STAU2: variants seen among roughly 807,000 people sequenced by gnomAD.
STAU2 encodes staufen double-stranded RNA binding protein 2, also known as double-stranded RNA-binding protein Staufen homolog 2.
STAU2 carries 20 observed loss-of-function variants against 65.9 expected under a neutral mutation model. The observed-to-expected ratio is 0.30, with a 90% CI of 0.21 to 0.44. The LOEUF is 0.44. STAU2 is among the 20% of genes least tolerant of loss of function. STAU2 has a pLI of 1.00. For missense variants in STAU2, 558 were observed against 683.9 expected (o/e 0.82, Z 2.05); for synonymous variants, 232 against 233.9 (o/e 0.99, Z 0.07).
At chr8:73,579,477 A>G (rs1307034434) in intron 12 of STAU2, among the ~76,000 whole-genome samples, 3 of 152,230 alleles carry the variant, frequency 2.0e-5, no homozygotes, top group Non-Finnish European at 4.4e-5. Context: ...TGGAATGTGA[A>G]TACAAAAAGA....
intron 11 of STAU2, among the ~76,000 whole-genome samples, chr8:73,585,943 T>A (rs1169643005): frequency 6.6e-6 from 1 of 152,230 alleles, no homozygotes; most frequent in African/African-American, 2.4e-5. Context: ...TTTTACTCGG[T>A]ATTCATTTCT....
chr8:73,637,802 ATTTC>A (rs1814658695), intron 6 of STAU2, among the ~76,000 whole-genome samples: 1 of 151,998 alleles, frequency 6.6e-6, no homozygotes, highest in Non-Finnish European at 1.5e-5. Context: ...TTTTCTCTTA[ATTTC>A]TTTAAGATAT....
chr8:73,491,405 T>G (rs1051136939), intron 13 of STAU2, among the ~76,000 whole-genome samples: 3 of 152,010 alleles, frequency 2.0e-5, no homozygotes, highest in South Asian at 2.1e-4. Context: ...TGTCAATAGT[T>G]GCCTATTTTC....
intron 13 of STAU2, 62 bp from the exon 14 acceptor site, chr8:73,422,764 G>T: frequency 8.6e-7 from 1 of 1,163,724 alleles, no homozygotes; most frequent in Non-Finnish European, 1.1e-6. Context: ...ACAAGTAACT[G>T]AAAGAAAGCT....
At chr8:73,516,659 C>T (rs150789560) in intron 13 of STAU2, among the ~76,000 whole-genome samples, 12 of 152,238 alleles carry the variant, frequency 7.9e-5, no homozygotes, top group Non-Finnish European at 1.5e-4. Flanking sequence ...AGAGGCATGA[C>T]TTAATTGAAG....
chr8:73,608,622 A>AG (rs1274875675), intron 9 of STAU2, among the ~76,000 whole-genome samples: 8 of 149,594 alleles, frequency 5.3e-5, no homozygotes, highest in African/African-American at 2.0e-4. Context: ...TAAAAAAAAA[A>AG]AAAGAAAAAG....
At chr8:73,490,282 C>G (rs1444472869) in intron 13 of STAU2, among the ~76,000 whole-genome samples, 1 of 151,984 alleles carries the variant, frequency 6.6e-6, no homozygotes, top group African/African-American at 2.4e-5. Context: ...ATGGACACCG[C>G]GCAACCCTCT....
intron 6 of STAU2, among the ~76,000 whole-genome samples, chr8:73,640,727 C>T (rs1290568314): frequency 6.6e-6 from 1 of 152,120 alleles, no homozygotes; most frequent in Non-Finnish European, 1.5e-5. Context: ...AAGCTGTGGG[C>T]TCTAGACTGC....
intron 4 of STAU2, among the ~76,000 whole-genome samples, chr8:73,697,605 A>G (rs563406638): frequency 6.6e-6 from 1 of 152,350 alleles, no homozygotes; most frequent in African/African-American, 2.4e-5. Flanking sequence ...ACCAATCAAA[A>G]ATAATAGCTA....
intron 6 of STAU2, chr8:73,669,004 A>G: frequency 2.9e-6 from 2 of 699,036 alleles, no homozygotes; most frequent in Non-Finnish European, 5.2e-6. Context: ...TTCACCTTTC[A>G]TTCCCTGCCT....
Position 73,460,423 on chromosome 8 carries a change from C to T in STAU2, c.1531-37721G>A, listed in dbSNP as rs533539428. Reference sequence around the variant, plus strand: ...ATGTATGGTGAATTACTACAGGGGACGAGAGAGGTTTTGAACAAGTTTAAA... The same window carrying T: ...ATGTATGGTGAATTACTACAGGGGATGAGAGAGGTTTTGAACAAGTTTAAA... On this transcript the variant is annotated intron_variant, in intron 13 of 14. Transcript: ENST00000524300. 2.2e-3 allele frequency among the ~76,000 whole-genome samples: 342 copies of T among 152,230 alleles called. 3 individuals are homozygous for T. The highest frequency in any genetic ancestry group is 7.7e-3 in the African/African-American group (320 of 41,530).
chr8:73,662,420 G>A (rs1816896789), intron 6 of STAU2, among the ~76,000 whole-genome samples: 1 of 152,054 alleles, frequency 6.6e-6, no homozygotes. Flanking sequence ...AAATTTTGAT[G>A]ACATGTAATT....
intron 12 of STAU2, among the ~76,000 whole-genome samples, chr8:73,570,756 C>G (rs1371514909): frequency 6.6e-6 from 1 of 152,174 alleles, no homozygotes; most frequent in Non-Finnish European, 1.5e-5. Flanking sequence ...GATCTCTCGG[C>G]AGAAACTCTA....
chr8:73,704,290 G>A (rs963728000), intron 4 of STAU2, among the ~76,000 whole-genome samples: 1 of 152,132 alleles, frequency 6.6e-6, no homozygotes, highest in African/African-American at 2.4e-5. Context: ...GGGATAAAAG[G>A]AGTGTTAGTA....
chr8:73,614,622 ATATT>A (rs1298920124), intron 8 of STAU2, among the ~76,000 whole-genome samples: 1 of 152,172 alleles, frequency 6.6e-6, no homozygotes, highest in Admixed American at 6.5e-5. Flanking sequence ...GCAATACTAA[ATATT>A]TAACCTTTAA....
At chr8:73,587,611 G>C (rs1810468186) in intron 11 of STAU2, among the ~76,000 whole-genome samples, 1 of 152,236 alleles carries the variant, frequency 6.6e-6, no homozygotes, top group Non-Finnish European at 1.5e-5. Context: ...ATGTAGAAAA[G>C]TGTATGTGTG....
chr8:73,459,061 T>G (rs1246462262), intron 13 of STAU2, among the ~76,000 whole-genome samples: 1 of 152,236 alleles, frequency 6.6e-6, no homozygotes, highest in African/African-American at 2.4e-5. Context: ...TTCATGAAAG[T>G]AATCACATTT....
chr8:73,467,464 G>C (rs1319943315), intron 13 of STAU2, among the ~76,000 whole-genome samples: 1 of 152,160 alleles, frequency 6.6e-6, no homozygotes, highest in Non-Finnish European at 1.5e-5. Context: ...CCCGGGAGGA[G>C]GAGCTTGCAG....
At chr8:73,714,229 C>T (rs1264840522) in intron 3 of STAU2, among the ~76,000 whole-genome samples, 2 of 152,276 alleles carry the variant, frequency 1.3e-5, no homozygotes, top group East Asian at 3.9e-4. Context: ...TGTCTCTTTA[C>T]TGGTTCCCCT....
Sources: allele counts gnomAD v4.1 joint callset (sites outside exome capture counted in the v4.1 genomes callset), GRCh38; gene constraint gnomAD v4.1.1; transcripts MANE v1.5; gene names NCBI Gene and HGNC (gene_info 2026-07-23, HGNC 2026-07-21).